MUC12: variants seen among roughly 807,000 people sequenced by gnomAD.
The protein encoded by MUC12 is mucin-12.
MUC12 carries 172 observed loss-of-function variants against 230.8 expected under a neutral mutation model. The ratio of observed to expected loss-of-function variants is 0.75; its 90% CI spans 0.66 to 0.85. MUC12 has a LOEUF of 0.85. Ranked by LOEUF, MUC12 falls within the 40% of genes least tolerant of loss-of-function variation. The pLI is 0.00. For synonymous variants in MUC12, 1,259 were observed against 2,401.9 expected, an observed-to-expected ratio of 0.52 and a Z score of 13.91; for missense variants, 3,506 against 5,920.6, an observed-to-expected ratio of 0.59 and a Z score of 13.38.
intron 11 of MUC12, 111 bp from the exon 12 acceptor site, chr7:101,018,484 C>A: frequency 1.2e-6 from 1 of 852,476 alleles, no homozygotes; most frequent in Non-Finnish European, 1.8e-6. Context: ...CCTGGGACTC[C>A]CTCCCTCCCC....
intron 1 of MUC12, among the ~76,000 whole-genome samples, chr7:100,974,656 C>T (rs1310340609): frequency 2.0e-5 from 3 of 152,086 alleles, no homozygotes; most frequent in Non-Finnish European, 4.4e-5. Context: ...CCTGTCTCTG[C>T]AAAAAATACC....
Position 101,005,549 on chromosome 7 carries a change from A to G in MUC12, c.14956+30A>G, listed in dbSNP as rs755063484. 5.9e-6 allele frequency: 9 copies of G among 1,518,408 alleles called. No individual in the cohort carries two copies. The South Asian group carries it at 1.1e-4, about 19-fold the overall frequency. The allele number at this position is 1,518,408 out of a possible 1,614,324, so 94.1% of individuals were successfully genotyped here. On this transcript the variant is annotated intron_variant, in intron 2 of 11. Coordinates refer to ENST00000536621, the MANE Select transcript of MUC12 (RefSeq NM_001164462.2). ...TGCTCTTTCCATTTCATCCACGTTT[A>G]GCTTCTTCTCCAGGCCTGTCCATGA...
In MUC12 at chr7:101,018,718, G is replaced by T; in HGVS notation, c.*82G>T. 1 of 1,399,342 alleles carries T rather than the reference G, an allele frequency of 7.1e-7. No homozygotes were observed. The highest frequency in any genetic ancestry group is 2.3e-5 in the Admixed American group (1 of 42,812). The allele number at this position is 1,399,342 out of a possible 1,614,324, so 86.7% of individuals were successfully genotyped here. A position where few individuals can be genotyped will look rare whatever the true frequency, so the allele number is the denominator to read the frequency against. ...AGCCCACCACAAGCCTCCGGGGCGG[G>T]TCAAGAGGAGACCGAAGTCAGGCCC... On this transcript the variant is annotated 3_prime_UTR_variant, in exon 12 of 12. Transcript: ENST00000536621.
chr7:100,978,161 C>T (rs1338586753), intron 1 of MUC12, among the ~76,000 whole-genome samples: 1 of 152,170 alleles, frequency 6.6e-6, no homozygotes, highest in Non-Finnish European at 1.5e-5. Flanking sequence ...ATGCTTTAGC[C>T]TCAACTGGTG....
rs1285822062 is a variant in MUC12 at position 100,995,597 on chromosome 7, C to G, written c.5034C>G (p.Gly1678=). 18 of 1,536,684 alleles carry G rather than the reference C, an allele frequency of 1.2e-5. No homozygotes were observed. Among genetic ancestry groups the G allele is most frequent in the African/African-American group, 2.8e-5 (2 of 72,198 alleles). The change falls in exon 2 of 12, where the codon GGC becomes GGG. Residue 1678 remains glycine (G), a synonymous_variant. Transcript: ENST00000536621. ...GSPHTTLSPA[G]STTRQGESTT... ...CACACACAACACTGTCCCCTGCCGG[C>G]TCTACAACACGTCAGGGAGAATCTA...
At position 100,992,497 on chromosome 7, in the gene MUC12, C is replaced by A. The variant is rs1322669368; in HGVS notation, c.1934C>A (p.Pro645His). ...TGGCCAAGCTCAAAGGACACTAGGCCTGCACCTCCTACTACCACATCAGCC... is the reference window on the plus strand; with the variant it reads ...TGGCCAAGCTCAAAGGACACTAGGCATGCACCTCCTACTACCACATCAGCC... ...HSWPSSKDTRPAPPTTTSAFV... is the reference protein window; with the variant it reads ...HSWPSSKDTRHAPPTTTSAFV... Residue 645 changes from proline (P) to histidine (H), a missense_variant, in exon 2 of 12, where the codon CCT (proline) becomes CAT (histidine). By Grantham distance (77) the Pro-to-His change is moderately conservative. Coordinates refer to ENST00000536621, the MANE Select transcript of MUC12 (RefSeq NM_001164462.2). 26 of 1,537,826 alleles carry A rather than the reference C, an allele frequency of 1.7e-5. No homozygotes were observed. In the East Asian group the frequency reaches 5.6e-4, roughly 33 times the overall value.
At chr7:100,984,065 A>G (rs1204505921) in intron 1 of MUC12, among the ~76,000 whole-genome samples, 2 of 152,112 alleles carry the variant, frequency 1.3e-5, no homozygotes, top group East Asian at 3.9e-4. Context: ...GGCGGGGGGT[A>G]CATCTACCTT....
Position 100,992,370 on chromosome 7 carries a change from G to C in MUC12, c.1807G>C (p.Glu603Gln), listed in dbSNP as rs773019796. The change falls in exon 2 of 12, where the codon GAA becomes CAA. Residue 603 changes from glutamate to glutamine, a missense_variant. Glu to Gln is a conservative substitution (Grantham distance 29, BLOSUM62 2). Coordinates refer to ENST00000536621, the MANE Select transcript of MUC12 (RefSeq NM_001164462.2). ...CAACACCACAGCCTCAGGACTCCTT[G>C]AAGCATCTATGCCCGTCCACAGCAG... is the stretch of plus-strand genomic sequence containing the variant. ...PDNTTASGLLEASMPVHSSTR... is the reference protein window; with the variant it reads ...PDNTTASGLLQASMPVHSSTR... The C allele has an allele frequency of 6.5e-7, 1 of 1,536,650 alleles. No individual in the cohort carries two copies. Among genetic ancestry groups the C allele is most frequent in the South Asian group, 1.2e-5 (1 of 83,980 alleles).
intron 11 of MUC12, among the ~76,000 whole-genome samples, chr7:101,018,321 C>T (rs949693456): frequency 7.3e-6 from 1 of 136,650 alleles, no homozygotes; most frequent in Non-Finnish European, 1.6e-5. Context: ...ACTCTCCCTA[C>T]CCCTGGGACT....
chr7:100,973,414 C>G (rs189783743), intron 1 of MUC12, among the ~76,000 whole-genome samples: 2 of 4,706 alleles, frequency 4.2e-4, no homozygotes, highest in East Asian at 9.3e-3. Flanking sequence ...TAGGATGGGT[C>G]CAGTGCCATT....
chr7:101,007,742 C>T (rs1055066026), intron 3 of MUC12, among the ~76,000 whole-genome samples: 4 of 152,132 alleles, frequency 2.6e-5, no homozygotes, highest in Non-Finnish European at 5.9e-5. Context: ...TACTGATTTC[C>T]TTTCTTTTGG....
chr7:101,004,685 A>T lies in MUC12; in HGVS notation c.14122A>T (p.Ile4708Phe), dbSNP rs755329703. Residue 4708 changes from isoleucine to phenylalanine, a missense_variant, in exon 2 of 12, where the codon ATT (isoleucine) becomes TTT (phenylalanine). Physicochemically the swap from Ile to Phe is conservative, Grantham distance 21 (BLOSUM62 0). Coordinates refer to ENST00000536621, the MANE Select transcript of MUC12 (RefSeq NM_001164462.2). ...TGCCCATTTTACTACCTCAGGCCGC[A>T]TTGCAGAATCTACCACCTTCTATAT... is the stretch of plus-strand genomic sequence containing the variant. ...LPAHFTTSGR[I>F]AESTTFYISP... 1.3e-6 allele frequency: 2 copies of T among 1,537,736 alleles called. No homozygotes were observed. Among genetic ancestry groups the T allele is most frequent in the African/African-American group, 1.4e-5 (1 of 73,008 alleles).
intron 1 of MUC12, among the ~76,000 whole-genome samples, chr7:100,982,673 C>T (rs1793127149): frequency 6.6e-6 from 1 of 151,930 alleles, no homozygotes. Flanking sequence ...AAGTAGTCCT[C>T]CCCCCTTGGC....
At chr7:101,007,263 T>G (rs1793769336) in intron 3 of MUC12, among the ~76,000 whole-genome samples, 1 of 152,202 alleles carries the variant, frequency 6.6e-6, no homozygotes, top group African/African-American at 2.4e-5. Context: ...CCAGCTATTT[T>G]AGTTGTTTTT....
At chr7:100,976,292 AT>A (rs1278959707) in intron 1 of MUC12, among the ~76,000 whole-genome samples, 24 of 150,724 alleles carry the variant, frequency 1.6e-4, no homozygotes, top group Non-Finnish European at 2.7e-4. Context: ...AAATAAAAAA[AT>A]ATATATATGT....
At chr7:100,975,501 CAA>C (rs1385631245) in intron 1 of MUC12, among the ~76,000 whole-genome samples, 1 of 152,308 alleles carries the variant, frequency 6.6e-6, no homozygotes, top group African/African-American at 2.4e-5. Context: ...CAGTTTTATA[CAA>C]AGAGTAATAA....
At chr7:101,014,108 C>G in intron 9 of MUC12, 34 bp downstream of exon 9, 1 of 1,497,708 alleles carries the variant, frequency 6.7e-7, no homozygotes, top group African/African-American at 1.4e-5. Context: ...CAGGCCCACA[C>G]AGAGGGGACA....
intron 1 of MUC12, among the ~76,000 whole-genome samples, chr7:100,971,945 T>C (rs1400788056): frequency 1.3e-5 from 2 of 152,426 alleles, no homozygotes; most frequent in South Asian, 2.1e-4. Flanking sequence ...GTGCTTATAA[T>C]TGTGTGTCAA....
chr7:100,979,464 A>C (rs1478267016), intron 1 of MUC12, among the ~76,000 whole-genome samples: 2 of 151,820 alleles, frequency 1.3e-5, no homozygotes, highest in African/African-American at 4.8e-5. Context: ...AAATAAAGCA[A>C]AATAAAATAA....
Sources: gnomAD v4.1 joint callset for allele counts (sites outside exome capture counted in the v4.1 genomes callset) on GRCh38, gnomAD v4.1.1 for gene constraint, MANE v1.5 for transcripts, NCBI Gene and HGNC (gene_info 2026-07-23, HGNC 2026-07-21) for gene names.